LRRC4C: variants seen among roughly 807,000 people sequenced by gnomAD.
The protein encoded by LRRC4C is leucine rich repeat containing 4C.
Under a neutral mutation model 33.6 loss-of-function variants are expected in LRRC4C, and 5 were observed. The observed-to-expected ratio is 0.15, with a 90% CI of 0.08 to 0.31. The LOEUF (loss-of-function observed/expected upper bound fraction) is 0.31. LRRC4C is among the 10% of genes least tolerant of loss of function. LRRC4C has a pLI of 1.00. For synonymous variants in LRRC4C, 329 were observed against 302.0 expected (o/e 1.09, Z -0.93); for missense variants, 560 against 796.7 (o/e 0.70, Z 3.58).
At chr11:40,894,401 C>T (rs769798652) in intron 2 of LRRC4C, among the ~76,000 whole-genome samples, 10 of 152,014 alleles carry the variant, frequency 6.6e-5, no homozygotes, top group Non-Finnish European at 1.5e-4. Flanking sequence ...AGCAGATTAT[C>T]GGGAGTCTAC....
At chr11:41,328,774 T>A (rs1368744817) in intron 1 of LRRC4C, among the ~76,000 whole-genome samples, 1 of 152,222 alleles carries the variant, frequency 6.6e-6, no homozygotes, top group Non-Finnish European at 1.5e-5. Flanking sequence ...TTCCCCAGGT[T>A]GTCAAATGTT....
intron 3 of LRRC4C, among the ~76,000 whole-genome samples, chr11:40,394,183 T>C (rs1949447381): frequency 6.6e-6 from 1 of 152,056 alleles, no homozygotes; most frequent in Non-Finnish European, 1.5e-5. Flanking sequence ...TGCTCCAGTT[T>C]TGAAAGTTTT....
At chr11:40,396,998 A>G (rs1383100349) in intron 3 of LRRC4C, among the ~76,000 whole-genome samples, 5 of 152,098 alleles carry the variant, frequency 3.3e-5, no homozygotes, top group African/African-American at 1.2e-4. Flanking sequence ...CCAACATATT[A>G]GAAAAAATAT....
intron 4 of LRRC4C, among the ~76,000 whole-genome samples, chr11:40,265,030 G>A (rs538016994): frequency 2.2e-4 from 33 of 152,266 alleles, no homozygotes; most frequent in African/African-American, 7.9e-4. Context: ...TTGTTCTACT[G>A]GGAAATCTGT....
intron 2 of LRRC4C, among the ~76,000 whole-genome samples, chr11:40,915,172 C>A (rs1489985828): frequency 6.6e-6 from 1 of 152,110 alleles, no homozygotes; most frequent in Admixed American, 6.6e-5. Flanking sequence ...CAATGACTTT[C>A]TTCACAGAAT....
At chr11:41,349,527 C>T (rs561444589) in intron 1 of LRRC4C, among the ~76,000 whole-genome samples, 10 of 152,170 alleles carry the variant, frequency 6.6e-5, no homozygotes, top group South Asian at 2.1e-4. Context: ...CCTCAGGGTT[C>T]GAGCACACAG....
intron 3 of LRRC4C, among the ~76,000 whole-genome samples, chr11:40,563,720 C>G (rs189754028): frequency 6.6e-6 from 1 of 152,132 alleles, no homozygotes; most frequent in South Asian, 2.1e-4. Context: ...ACCTTGAAAT[C>G]TGAAACACGA....
chr11:40,884,138 C>A (rs1190814708), intron 2 of LRRC4C, among the ~76,000 whole-genome samples: 1 of 152,000 alleles, frequency 6.6e-6, no homozygotes, highest in Non-Finnish European at 1.5e-5. Flanking sequence ...TTGTTCAACT[C>A]CCACTTATGA....
At chr11:41,429,541 G>A (rs1323268975) in intron 1 of LRRC4C, among the ~76,000 whole-genome samples, 2 of 152,140 alleles carry the variant, frequency 1.3e-5, no homozygotes, top group South Asian at 2.1e-4. Context: ...ACAGTTTATA[G>A]GCAGGTCTGG....
At chr11:41,123,003 C>T (rs7115983) in intron 1 of LRRC4C, 68,451 of 151,926 alleles carry the variant, frequency 0.45, 15,643 homozygotes, top group East Asian at 0.54. Flanking sequence ...CGTATTCAGC[C>T]TAAGTGAGCA....
chr11:40,520,326 A>G (rs536165822), intron 3 of LRRC4C, among the ~76,000 whole-genome samples: 2 of 151,750 alleles, frequency 1.3e-5, no homozygotes, highest in South Asian at 2.1e-4. Context: ...CATTTGGCCT[A>G]TCTCAGTTTT....
At chr11:41,145,858 GT>G (rs1943707950) in intron 1 of LRRC4C, among the ~76,000 whole-genome samples, 1 of 152,110 alleles carries the variant, frequency 6.6e-6, no homozygotes, top group Non-Finnish European at 1.5e-5. Context: ...AGTTTCCACG[GT>G]GATTTTGTGA....
chr11:40,596,952 T>A (rs1959392326), intron 3 of LRRC4C, among the ~76,000 whole-genome samples: 1 of 152,162 alleles, frequency 6.6e-6, no homozygotes, highest in Admixed American at 6.6e-5. Flanking sequence ...AAAAAGATAG[T>A]CCGTATTCTT....
chr11:41,144,044 C>CTA (rs1723672455), intron 1 of LRRC4C, among the ~76,000 whole-genome samples: 1 of 152,156 alleles, frequency 6.6e-6, no homozygotes, highest in Non-Finnish European at 1.5e-5. Flanking sequence ...GCAATAATCA[C>CTA]TATTTCTAAA....
chr11:41,343,503 A>C (rs1565597502), intron 1 of LRRC4C, among the ~76,000 whole-genome samples: 1 of 152,218 alleles, frequency 6.6e-6, no homozygotes, highest in Non-Finnish European at 1.5e-5. Context: ...TTATCTTTGG[A>C]TATAATTCCA....
rs368351323 is a variant in LRRC4C, at chr11:40,934,924, C to G, written c.-495-1201G>C. Among the ~76,000 whole-genome samples the G allele has an allele frequency of 1.3e-4, 20 of 152,272 alleles. 1 individual carries two copies. In the East Asian group the frequency reaches 3.9e-3, roughly 29 times the overall value. ...ATTTTCTCTTCCTGCTATTTCTCCT[C>G]AGGTCAGAACAACATCCTACCATTA... On this transcript the variant is annotated intron_variant, in intron 1 of 6. Coordinates refer to ENST00000528697, the MANE Select transcript of LRRC4C (RefSeq NM_001258419.2).
At chr11:40,831,465 G>T (rs1355537810) in intron 2 of LRRC4C, among the ~76,000 whole-genome samples, 1 of 151,772 alleles carries the variant, frequency 6.6e-6, no homozygotes, top group Non-Finnish European at 1.5e-5. Context: ...GTATTATTTT[G>T]TCATTAAAAT....
intron 2 of LRRC4C, among the ~76,000 whole-genome samples, chr11:40,674,119 C>A (rs1331548929): frequency 6.6e-6 from 1 of 152,160 alleles, no homozygotes; most frequent in Non-Finnish European, 1.5e-5. Flanking sequence ...CATTGGTGAT[C>A]CCTTCACTGG....
At chr11:40,982,626 TTAGAC>T (rs1326398817) in intron 1 of LRRC4C, among the ~76,000 whole-genome samples, 2 of 152,148 alleles carry the variant, frequency 1.3e-5, no homozygotes, top group African/African-American at 4.8e-5. Context: ...TAGCAAGAAA[TTAGAC>T]TAGAATTATC....
Sources: allele counts gnomAD v4.1 joint callset (sites outside exome capture counted in the v4.1 genomes callset), GRCh38; gene constraint gnomAD v4.1.1; transcripts MANE v1.5; gene names NCBI Gene and HGNC (gene_info 2026-07-23, HGNC 2026-07-21).